Variants in PID1 observed in about 807,000 individuals in gnomAD.
PID1 encodes the protein PTB-containing, cubilin and LRP1-interacting protein.
A neutral mutation model predicts 19.1 loss-of-function variants in PID1; 10 were observed. The observed-to-expected ratio is 0.52, with a 90% CI of 0.32 to 0.89. The LOEUF is 0.89. PID1 is among the 40% of genes least tolerant of loss of function. PID1 has a pLI of 0.03. For missense variants in PID1, 248 were observed against 285.3 expected, an observed-to-expected ratio of 0.87 and a Z score of 0.94; for synonymous variants, 130 against 116.0, an observed-to-expected ratio of 1.12 and a Z score of -0.78.
chr2:229,210,950 T>C (rs1691720183), intron 1 of PID1, among the ~76,000 whole-genome samples: 1 of 152,194 alleles, frequency 6.6e-6, no homozygotes, highest in Non-Finnish European at 1.5e-5. Context: ...TAAAATTTAA[T>C]CAAGCTTTCT....
intron 2 of PID1, among the ~76,000 whole-genome samples, chr2:229,088,157 T>C (rs1694805494): frequency 6.6e-6 from 1 of 152,224 alleles, no homozygotes. Flanking sequence ...ACATGGTGTA[T>C]TCTGAAGAGT....
intron 1 of PID1, among the ~76,000 whole-genome samples, chr2:229,210,275 G>A (rs1015775074): frequency 6.6e-6 from 1 of 151,924 alleles, no homozygotes; most frequent in Non-Finnish European, 1.5e-5. Flanking sequence ...CACTTTGGGA[G>A]GCCGAGGCAG....
At chr2:229,144,991 AT>A (rs954774730) in intron 2 of PID1, among the ~76,000 whole-genome samples, 5 of 151,630 alleles carry the variant, frequency 3.3e-5, no homozygotes, top group South Asian at 2.1e-4. Context: ...CCTAAAGTAT[AT>A]TTTTTTCATT....
At chr2:229,140,104 T>C (rs553249575) in intron 2 of PID1, among the ~76,000 whole-genome samples, 1 of 152,278 alleles carries the variant, frequency 6.6e-6, no homozygotes, top group South Asian at 2.1e-4. Flanking sequence ...GTATGCTATG[T>C]CCACCCCGGA....
At chr2:229,246,247 G>C (rs184231754) in intron 1 of PID1, among the ~76,000 whole-genome samples, 1 of 152,134 alleles carries the variant, frequency 6.6e-6, no homozygotes, top group South Asian at 2.1e-4. Flanking sequence ...AGAAGGAAAT[G>C]ATGCTTCAAA....
chr2:229,115,514 G>A (rs1292564044), intron 2 of PID1, among the ~76,000 whole-genome samples: 1 of 152,012 alleles, frequency 6.6e-6, no homozygotes, highest in African/African-American at 2.4e-5. Flanking sequence ...AAAATTTACT[G>A]TAAACTACAC....
At chr2:229,235,333 T>C (rs911871825) in intron 1 of PID1, among the ~76,000 whole-genome samples, 3 of 152,162 alleles carry the variant, frequency 2.0e-5, no homozygotes, top group Non-Finnish European at 2.9e-5. Context: ...CCACAGGCTG[T>C]GGTCCTGAAA....
At chr2:229,119,311 T>A (rs933903017) in intron 2 of PID1, among the ~76,000 whole-genome samples, 14 of 152,264 alleles carry the variant, frequency 9.2e-5, no homozygotes, top group Non-Finnish European at 1.5e-4. Flanking sequence ...TAAAATTATA[T>A]ACTTTGTACA....
chr2:229,071,091 T>C (rs1246429147), intron 2 of PID1, among the ~76,000 whole-genome samples: 2 of 152,216 alleles, frequency 1.3e-5, no homozygotes, highest in African/African-American at 4.8e-5. Flanking sequence ...TGAATGTTAC[T>C]TGATACCGAC....
intron 2 of PID1, among the ~76,000 whole-genome samples, chr2:229,074,552 G>T (rs150174285): frequency 1.3e-5 from 2 of 152,198 alleles, no homozygotes; most frequent in East Asian, 3.9e-4. Context: ...TTAGGAGATG[G>T]TAATACTTTT....
intron 1 of PID1, among the ~76,000 whole-genome samples, chr2:229,158,729 T>C (rs1430399668): frequency 1.3e-5 from 2 of 152,170 alleles, no homozygotes; most frequent in Non-Finnish European, 2.9e-5. Flanking sequence ...AAGTGGATAA[T>C]GATACACACA....
intron 2 of PID1, among the ~76,000 whole-genome samples, chr2:229,152,756 G>A (rs186956717): frequency 9.9e-5 from 15 of 152,050 alleles, no homozygotes; most frequent in African/African-American, 2.7e-4. Flanking sequence ...CAGGACCCAC[G>A]GAGAATACAG....
intron 2 of PID1, among the ~76,000 whole-genome samples, chr2:229,106,437 T>C (rs1163776602): frequency 6.6e-6 from 1 of 152,164 alleles, no homozygotes; most frequent in African/African-American, 2.4e-5. Context: ...GCAATTGTGG[T>C]CTGAATGTTT....
At chr2:229,085,335 T>G (rs1694743915) in intron 2 of PID1, among the ~76,000 whole-genome samples, 1 of 152,070 alleles carries the variant, frequency 6.6e-6, no homozygotes, top group South Asian at 2.1e-4. Flanking sequence ...CCATGAAAGA[T>G]CTCATCAATT....
At chr2:229,229,891 A>G (rs1426171065) in intron 1 of PID1, among the ~76,000 whole-genome samples, 1 of 152,178 alleles carries the variant, frequency 6.6e-6, no homozygotes, top group African/African-American at 2.4e-5. Context: ...TACAAAGAGG[A>G]CATTTGAACT....
intron 1 of PID1, among the ~76,000 whole-genome samples, chr2:229,192,798 A>G (rs1371030621): frequency 6.6e-6 from 1 of 152,136 alleles, no homozygotes. Flanking sequence ...TATTGCATTG[A>G]GGTTTATTCT....
chr2:229,030,645 T>A (rs972100381), intron 2 of PID1, among the ~76,000 whole-genome samples: 4 of 152,166 alleles, frequency 2.6e-5, no homozygotes, highest in Non-Finnish European at 5.9e-5. Flanking sequence ...CATGACATAA[T>A]TTAAAAATAC....
chr2:229,099,264 G>A (rs1272861063), intron 2 of PID1, among the ~76,000 whole-genome samples: 2 of 152,086 alleles, frequency 1.3e-5, no homozygotes, highest in Non-Finnish European at 2.9e-5. Context: ...GGCAAGTAAG[G>A]GATTGAGGAA....
At chr2:229,134,158 C>T (rs1480860404) in intron 2 of PID1, among the ~76,000 whole-genome samples, 4 of 151,644 alleles carry the variant, frequency 2.6e-5, no homozygotes, top group East Asian at 1.9e-4. Flanking sequence ...TACTAAAGGC[C>T]GATCTCTGGC....
Sources: allele counts gnomAD v4.1 joint callset (sites outside exome capture counted in the v4.1 genomes callset), GRCh38; gene constraint gnomAD v4.1.1; transcripts MANE v1.5; gene names NCBI Gene and HGNC (gene_info 2026-07-23, HGNC 2026-07-21).